BDP1: variants seen among roughly 807,000 people sequenced by gnomAD.
BDP1 encodes the protein transcription factor TFIIIB component B'' homolog.
In BDP1, 169 loss-of-function variants were observed where a neutral mutation model predicts 266.6. That is an observed-to-expected ratio of 0.63 (90% CI 0.56 to 0.72). BDP1 has a LOEUF of 0.72. Ranked by LOEUF, BDP1 falls within the 30% of genes least tolerant of loss-of-function variation. BDP1 has a pLI of 0.00. For missense variants in BDP1, 3,015 were observed against 3,053.8 expected, an observed-to-expected ratio of 0.99 and a Z score of 0.30; for synonymous variants, 1,090 against 1,022.4, an observed-to-expected ratio of 1.07 and a Z score of -1.26.
At chr5:71,540,143 A>T (rs1766876645) in intron 28 of BDP1, among the ~76,000 whole-genome samples, 1 of 152,228 alleles carries the variant, frequency 6.6e-6, no homozygotes, top group Non-Finnish European at 1.5e-5. Context: ...TATATCAACC[A>T]AGATTTTTAA....
intron 13 of BDP1, among the ~76,000 whole-genome samples, chr5:71,499,051 T>C (rs576252962): frequency 6.6e-5 from 10 of 152,146 alleles, no homozygotes; most frequent in African/African-American, 2.4e-5. Context: ...TATGCACACA[T>C]TTCTATAATT....
chr5:71,488,813 T>G (rs1763420493), intron 9 of BDP1, among the ~76,000 whole-genome samples: 1 of 151,864 alleles, frequency 6.6e-6, no homozygotes, highest in African/African-American at 2.4e-5. Context: ...GTTCAAGTGA[T>G]TCTCCTGCCT....
chr5:71,552,035 C>A (rs992751322), intron 34 of BDP1, among the ~76,000 whole-genome samples: 1 of 151,096 alleles, frequency 6.6e-6, no homozygotes, highest in African/African-American at 2.4e-5. Context: ...GGGTGGCTGC[C>A]GGGCGGAGAC....
chr5:71,523,019 T>G, intron 24 of BDP1, 70 bp downstream of exon 24: 1 of 1,372,368 alleles, frequency 7.3e-7, no homozygotes. Context: ...CTTAACTTAC[T>G]GGTAGAACAA....
At chr5:71,470,136 C>T (rs533766534) in intron 6 of BDP1, among the ~76,000 whole-genome samples, 4 of 152,138 alleles carry the variant, frequency 2.6e-5, no homozygotes, top group South Asian at 2.1e-4. Context: ...CCACCGCGAC[C>T]GGCCCTGGTC....
intron 26 of BDP1, 104 bp downstream of exon 26, chr5:71,532,531 C>T: frequency 9.0e-7 from 1 of 1,105,812 alleles, no homozygotes; most frequent in Non-Finnish European, 1.3e-6. Context: ...CTTTACTTAG[C>T]TAATTTCTCT....
rs201608641 is a variant in BDP1 at position 71,513,247 on chromosome 5, G to T, written c.4310G>T (p.Arg1437Leu). 2.5e-6 allele frequency: 4 copies of T among 1,613,490 alleles called. No homozygotes were observed. In the South Asian group the frequency reaches 3.3e-5, roughly 13 times the overall value. The part of the protein sequence containing the change: ...EIKPAPFVRS[R>L]FKRPKPNLAR... The stretch of plus-strand genomic sequence containing the variant: ...AAACCAGCACCTTTTGTGAGGAGCC[G>T]ATTCAAAAGACCAAAACCAAACTTA... Residue 1437 changes from arginine (R) to leucine (L), a missense_variant, in exon 19 of 39, where the codon CGA (arginine) becomes CTA (leucine). By Grantham distance (102) the Arg-to-Leu change is moderately radical. This residue lies in a region of BDP1 where 2,383 missense variants were observed against 2,404.9 expected (regional missense o/e 0.99). Coordinates refer to ENST00000358731, the MANE Select transcript of BDP1 (RefSeq NM_018429.3).
In BDP1 at chr5:71,486,640, A is replaced by C. The variant is rs755523622; in HGVS notation, c.1213+13A>C. The C allele has an allele frequency of 6.6e-7, 1 of 1,504,314 alleles. No homozygotes were observed. The highest frequency in any genetic ancestry group is 1.5e-5 in the African/African-American group (1 of 68,468). The allele number at this position is 1,504,314 out of a possible 1,614,324, so 93.2% of individuals were successfully genotyped here. On this transcript the variant is annotated intron_variant, in intron 9 of 38. Coordinates refer to ENST00000358731, the MANE Select transcript of BDP1 (RefSeq NM_018429.3). ...AAAAATGTAAAAGGTATTGATTTTA[A>C]AAGGAAGTGTGATAGTTTACTTAGT...
chr5:71,464,631 T>A (rs1300593201), intron 4 of BDP1, among the ~76,000 whole-genome samples: 1 of 151,394 alleles, frequency 6.6e-6, no homozygotes, highest in African/African-American at 2.4e-5. Flanking sequence ...AGCCTTGACC[T>A]CCTGGGCTCG....
intron 38 of BDP1, among the ~76,000 whole-genome samples, chr5:71,563,230 C>T (rs1406956531): frequency 1.3e-5 from 2 of 152,158 alleles, no homozygotes; most frequent in Non-Finnish European, 2.9e-5. Flanking sequence ...TCACTGCAAC[C>T]TCCATCCCCT....
chr5:71,575,489 T>C, the BDP1 span, among the ~76,000 whole-genome samples: 1 of 152,178 alleles, frequency 6.6e-6, no homozygotes, highest in Admixed American at 6.5e-5. Context: ...CTCCAGTGTT[T>C]GTTATTCCAA....
intron 37 of BDP1, among the ~76,000 whole-genome samples, chr5:71,561,254 A>T (rs1743627932): frequency 6.6e-6 from 1 of 151,860 alleles, no homozygotes; most frequent in Non-Finnish European, 1.5e-5. Context: ...ATATAAAATT[A>T]GCTGGGCATG....
At chr5:71,535,977 A>G (rs1766573824) in intron 26 of BDP1, among the ~76,000 whole-genome samples, 1 of 152,166 alleles carries the variant, frequency 6.6e-6, no homozygotes, top group Non-Finnish European at 1.5e-5. Flanking sequence ...AGACTTTGAC[A>G]TATCTTTCTA....
In BDP1 at chr5:71,467,552, T is replaced by C. The variant is rs1761980669; in HGVS notation, c.919+65T>C. ...TGAAATGAATTGACTGTTTCTGAAT[T>C]AAATCAGTTCTCCCCTAAGTACATA... On this transcript the variant is annotated intron_variant, in intron 6 of 38. Coordinates refer to ENST00000358731, the MANE Select transcript of BDP1 (RefSeq NM_018429.3). The C allele has an allele frequency of 5.1e-6, 7 of 1,366,974 alleles. No individual in the cohort carries two copies. The Admixed American group carries it at 1.2e-4, about 23-fold the overall frequency. The allele number at this position is 1,366,974 out of a possible 1,614,324, so 84.7% of individuals were successfully genotyped here.
intron 38 of BDP1, 74 bp from the exon 39 acceptor site, chr5:71,564,680 A>T: frequency 7.7e-7 from 1 of 1,303,358 alleles, no homozygotes; most frequent in East Asian, 2.5e-5. Context: ...TTAGACTGCT[A>T]TATATACACA....
intron 26 of BDP1, among the ~76,000 whole-genome samples, chr5:71,536,096 G>GA (rs1480835361): frequency 2.0e-5 from 3 of 152,154 alleles, no homozygotes; most frequent in Non-Finnish European, 1.5e-5. Context: ...ATAGAAGCGA[G>GA]AGTGGGCATT....
At chr5:71,542,402 A>T (rs987987976) in intron 30 of BDP1, 137 bp downstream of exon 30, 6 of 781,878 alleles carry the variant, frequency 7.7e-6, no homozygotes, top group Non-Finnish European at 1.2e-5. Context: ...AAGACGAGCT[A>T]TAAAATAAAT....
intron 1 of BDP1, 127 bp from the exon 2 acceptor site, chr5:71,458,452 C>T: frequency 2.8e-6 from 2 of 708,892 alleles, no homozygotes; most frequent in Non-Finnish European, 2.3e-6. Context: ...TCATAAATCT[C>T]AAGTTACTAA....
intron 35 of BDP1, among the ~76,000 whole-genome samples, chr5:71,556,342 CT>C (rs1002995832): frequency 1.1e-4 from 17 of 150,830 alleles, no homozygotes; most frequent in African/African-American, 3.9e-4. Context: ...TAGTGCACAT[CT>C]TTTTTTTTAA....
Sources: gnomAD v4.1 joint callset for allele counts (sites outside exome capture counted in the v4.1 genomes callset) on GRCh38, gnomAD v4.1.1 for gene constraint, gnomAD v4.1.1 regional missense constraint, MANE v1.5 for transcripts, NCBI Gene and HGNC (gene_info 2026-07-23, HGNC 2026-07-21) for gene names.